Variants in MIAT observed in about 807,000 individuals in gnomAD.
MIAT encodes the protein myocardial infarction associated transcript, also known as MI related novel mRNA.
At chr22:26,646,885 A>T (rs1363821529) in exon 1 of MIAT, 1 of 398,568 alleles carries the variant, frequency 2.5e-6, no homozygotes, top group African/African-American at 2.1e-5. Flanking sequence ...AGAGACAGGT[A>T]GATAGGATCA....
exon 5 of MIAT, chr22:26,675,591 G>A (rs568685408): frequency 4.8e-5 from 19 of 398,640 alleles, no homozygotes; most frequent in African/African-American, 1.8e-4. Flanking sequence ...ACCCCAGTTG[G>A]AAGTATCTCT....
At chr22:26,670,557 C>T (rs6005123), downstream of MIAT, 1 of 325,928 alleles carries the variant, frequency 3.1e-6, no homozygotes, top group Non-Finnish European at 5.4e-6. Flanking sequence ...ACCCGACCCT[C>T]TAGGGAAATT....
At chr22:26,670,932 T>C, downstream of MIAT, 1 of 396,836 alleles carries the variant, frequency 2.5e-6, no homozygotes, top group Non-Finnish European at 4.4e-6. Context: ...AGTCTCAACT[T>C]GGTTCCAGGA....
chr22:26,672,731 T>C, downstream of MIAT: 1 of 399,038 alleles, frequency 2.5e-6, no homozygotes. Context: ...GAGGGGCGTG[T>C]CCCACACCGG....
chr22:26,669,501 C>G (rs1327668745), exon 6 of MIAT: 3 of 398,486 alleles, frequency 7.5e-6, no homozygotes, highest in Non-Finnish European at 1.3e-5. Flanking sequence ...TATAAAGACA[C>G]TAATATCACC....
chr22:26,661,415 A>G (rs1336500444), intron 2 of MIAT, among the ~76,000 whole-genome samples: 4 of 152,082 alleles, frequency 2.6e-5, no homozygotes, highest in Non-Finnish European at 5.9e-5. Context: ...TCTGGAAGCT[A>G]CCAGATGAGT....
intron 2 of MIAT, among the ~76,000 whole-genome samples, chr22:26,649,197 A>G (rs941019165): frequency 3.9e-5 from 6 of 152,192 alleles, no homozygotes; most frequent in African/African-American, 1.4e-4. Flanking sequence ...TCCGTTTTAC[A>G]GAAGAGGAAA....
chr22:26,646,437 G>A (rs529841502), upstream of MIAT: 12 of 399,386 alleles, frequency 3.0e-5, no homozygotes, highest in Non-Finnish European at 5.3e-5. Flanking sequence ...GCAGGCTGGA[G>A]TAGACAGGAA....
exon 4 of MIAT, chr22:26,666,877 T>C (rs747450687): frequency 7.6e-6 from 3 of 396,204 alleles, no homozygotes; most frequent in Non-Finnish European, 1.3e-5. Context: ...CTGTGGGGTC[T>C]GTGTGGGGAA....
chr22:26,663,550 C>T (rs1930743340), intron 3 of MIAT: 1 of 392,128 alleles, frequency 2.6e-6, no homozygotes, highest in East Asian at 3.6e-5. Context: ...TCCAGTTCCC[C>T]AATCGTGGCT....
chr22:26,673,569 GACTA>G, downstream of MIAT: 1 of 398,600 alleles, frequency 2.5e-6, no homozygotes, highest in Non-Finnish European at 4.4e-6. Flanking sequence ...ATTTTTTTCT[GACTA>G]ACAACAGGTC....
chr22:26,665,424 A>G (rs1050650295), intron 3 of MIAT: 1 of 398,198 alleles, frequency 2.5e-6, no homozygotes, highest in African/African-American at 2.1e-5. Context: ...GTCCCTTGAA[A>G]CCTCCATCAC....
At chr22:26,675,802 G>A (rs902838843) in exon 5 of MIAT, 9 of 398,556 alleles carry the variant, frequency 2.3e-5, no homozygotes, top group African/African-American at 1.9e-4. Flanking sequence ...GCAGATACAA[G>A]TGTGGAGTAA....
chr22:26,666,161 C>A (rs1930838201), exon 4 of MIAT: 1 of 398,522 alleles, frequency 2.5e-6, no homozygotes, highest in South Asian at 1.3e-4. Flanking sequence ...TGAGAGAGCT[C>A]CCTGACTCTC....
At chr22:26,665,416 C>T (rs755920270) in intron 3 of MIAT, 67 of 398,356 alleles carry the variant, frequency 1.7e-4, no homozygotes, top group Admixed American at 4.0e-4. Context: ...AGCTAAAGGT[C>T]CCTTGAAACC....
exon 5 of MIAT, chr22:26,676,286 G>A: frequency 2.5e-6 from 1 of 398,598 alleles, no homozygotes; most frequent in Non-Finnish European, 4.4e-6. Context: ...GACCAGAAAA[G>A]ATGTTTGTTT....
exon 1 of MIAT, chr22:26,646,614 T>TA (rs1930239747): frequency 2.5e-6 from 1 of 392,930 alleles, no homozygotes. Context: ...TAGTTGTGTC[T>TA]GTTTATCTTC....
At chr22:26,669,583 A>G (rs1288978287) in exon 6 of MIAT, 1 of 398,606 alleles carries the variant, frequency 2.5e-6, no homozygotes, top group Non-Finnish European at 4.4e-6. Context: ...AAACAGTCAC[A>G]TAGCAGGCTA....
At chr22:26,655,008 G>A (rs546787590) in intron 2 of MIAT, among the ~76,000 whole-genome samples, 3 of 152,266 alleles carry the variant, frequency 2.0e-5, no homozygotes, top group Admixed American at 6.5e-5. Flanking sequence ...TGCTGCGCCC[G>A]GCCAAAACAT....
Sources: allele counts gnomAD v4.1 joint callset (sites outside exome capture counted in the v4.1 genomes callset), GRCh38; gene constraint gnomAD v4.1.1; transcripts MANE v1.5; gene names NCBI Gene and HGNC (gene_info 2026-07-23, HGNC 2026-07-21).